The following NUAK1 variants were observed in gnomAD, a reference collection of about 807,000 sequenced individuals.
NUAK1 encodes NUAK family kinase 1.
Under a neutral mutation model 56.9 loss-of-function variants are expected in NUAK1, and 26 were observed. The ratio of observed to expected loss-of-function variants is 0.46; its 90% CI spans 0.33 to 0.63. The LOEUF is 0.63. Ranked by LOEUF, NUAK1 falls within the 30% of genes least tolerant of loss-of-function variation. The pLI is 0.02. For missense variants in NUAK1, 727 were observed against 876.1 expected (o/e 0.83, Z 2.15); for synonymous variants, 337 against 336.0 (o/e 1.00, Z -0.03).
intron 3 of NUAK1, among the ~76,000 whole-genome samples, chr12:106,084,586 T>A (rs1394897751): frequency 1.3e-5 from 2 of 152,196 alleles, no homozygotes; most frequent in Non-Finnish European, 2.9e-5. Context: ...GTGGCTGCCA[T>A]CCTGCCTGAC....
chr12:106,121,744 T>C (rs1338413128), intron 1 of NUAK1, among the ~76,000 whole-genome samples: 1 of 150,334 alleles, frequency 6.7e-6, no homozygotes, highest in Non-Finnish European at 1.5e-5. Context: ...AGCGAGACCC[T>C]GTCTCGGGAA....
chr12:106,120,558 G>A lies in NUAK1; in HGVS notation c.241-14033C>T, dbSNP rs546790023. Among the ~76,000 whole-genome samples the A allele has an allele frequency of 3.5e-4, 53 of 152,284 alleles. 2 individuals carry two copies. In the South Asian group the frequency reaches 0.011, roughly 31 times the overall value. On this transcript the variant is annotated intron_variant, in intron 1 of 6. Transcript: ENST00000261402. ...GGCTGGGAGAAAAGGAGCAGCTGTC[G>A]CCTCTTCTGAGAAGCCATCTCAGGT...
At chr12:106,132,343 G>C (rs531034902) in intron 1 of NUAK1, among the ~76,000 whole-genome samples, 1 of 152,316 alleles carries the variant, frequency 6.6e-6, no homozygotes, top group South Asian at 2.1e-4. Context: ...ATTCACTTCA[G>C]TTCCATCCTA....
At chr12:106,073,891 C>T (rs1014944789) in intron 4 of NUAK1, among the ~76,000 whole-genome samples, 2 of 152,000 alleles carry the variant, frequency 1.3e-5, no homozygotes, top group African/African-American at 4.8e-5. Context: ...AATGTTTCAT[C>T]TAGCCTTGTT....
intron 6 of NUAK1, 73 bp from the exon 7 acceptor site, chr12:106,068,028 G>A (rs541734745): frequency 1.4e-6 from 2 of 1,436,250 alleles, no homozygotes; most frequent in East Asian, 4.6e-5. Context: ...GGACCCTCCA[G>A]GAGTGACGAA....
chr12:106,080,872 C>T (rs1197935976), intron 4 of NUAK1, among the ~76,000 whole-genome samples: 3 of 152,224 alleles, frequency 2.0e-5, no homozygotes, highest in Non-Finnish European at 4.4e-5. Context: ...GGTCCAGACA[C>T]GGATGGCAGG....
intron 1 of NUAK1, among the ~76,000 whole-genome samples, chr12:106,130,857 T>G (rs1176801577): frequency 6.6e-6 from 1 of 152,232 alleles, no homozygotes; most frequent in Non-Finnish European, 1.5e-5. Context: ...GGCAAAAGGC[T>G]TAGCTATGTC....
At chr12:106,119,543 TGTAG>T (rs766377773) in intron 1 of NUAK1, among the ~76,000 whole-genome samples, 2 of 152,182 alleles carry the variant, frequency 1.3e-5, no homozygotes, top group Non-Finnish European at 2.9e-5. Context: ...ACAGAAAATC[TGTAG>T]GGAAGCTGGA....
chr12:106,124,769 G>C (rs1383048006), intron 1 of NUAK1, among the ~76,000 whole-genome samples: 2 of 152,094 alleles, frequency 1.3e-5, no homozygotes, highest in Non-Finnish European at 2.9e-5. Context: ...CAGCACTACA[G>C]GAGGCTGAGG....
At chr12:106,124,239 T>C (rs1019741411) in intron 1 of NUAK1, among the ~76,000 whole-genome samples, 4 of 152,196 alleles carry the variant, frequency 2.6e-5, no homozygotes. Context: ...TAATAAACCA[T>C]CCCAATCTCA....
At chr12:106,101,518 C>T (rs2136469569) in intron 2 of NUAK1, among the ~76,000 whole-genome samples, 1 of 152,290 alleles carries the variant, frequency 6.6e-6, no homozygotes, top group Non-Finnish European at 1.5e-5. Context: ...GACACAGACA[C>T]ATGTGGTGGG....
chr12:106,071,636 A>C (rs2136456543), intron 5 of NUAK1, among the ~76,000 whole-genome samples: 1 of 152,338 alleles, frequency 6.6e-6, no homozygotes, highest in African/African-American at 2.4e-5. Context: ...ATAAAAACTA[A>C]GGTGGCCAAA....
At chr12:106,114,294 C>T (rs2032894996) in intron 1 of NUAK1, among the ~76,000 whole-genome samples, 1 of 152,202 alleles carries the variant, frequency 6.6e-6, no homozygotes, top group Admixed American at 6.5e-5. Flanking sequence ...GCTAAGAAAT[C>T]CAGCATCTGC....
chr12:106,131,798 A>T (rs2033081562), intron 1 of NUAK1, among the ~76,000 whole-genome samples: 1 of 152,152 alleles, frequency 6.6e-6, no homozygotes, highest in Admixed American at 6.5e-5. Context: ...TTTACCGAAG[A>T]GTTTCGCTGT....
At chr12:106,134,950 T>G (rs556819709) in intron 1 of NUAK1, among the ~76,000 whole-genome samples, 22 of 152,334 alleles carry the variant, frequency 1.4e-4, no homozygotes, top group Non-Finnish European at 2.5e-4. Flanking sequence ...TCTCTCTGCA[T>G]GATACAATGC....
At chr12:106,109,426 C>A (rs938970779) in intron 1 of NUAK1, among the ~76,000 whole-genome samples, 1 of 152,088 alleles carries the variant, frequency 6.6e-6, no homozygotes, top group African/African-American at 2.4e-5. Flanking sequence ...CTCCCTCTCT[C>A]TATACCCTTC....
Position 106,133,958 on chromosome 12 carries a change from G to A in NUAK1, c.240+4456C>T, listed in dbSNP as rs371748057. 2.6e-5 allele frequency among the ~76,000 whole-genome samples: 4 copies of A among 152,250 alleles called. No homozygotes were observed. The South Asian group carries it at 8.3e-4, about 32-fold the overall frequency. Reference sequence around the variant, plus strand: ...GATGGCAATAAATCTTCATCGAACTGAACAGAATTAGTTTGCAAGTACATT... The same window carrying A: ...GATGGCAATAAATCTTCATCGAACTAAACAGAATTAGTTTGCAAGTACATT... On this transcript the variant is annotated intron_variant, in intron 1 of 6. Transcript: ENST00000261402.
At chr12:106,083,022 C>T (rs1462274329) in intron 4 of NUAK1, among the ~76,000 whole-genome samples, 1 of 152,140 alleles carries the variant, frequency 6.6e-6, no homozygotes, top group Non-Finnish European at 1.5e-5. Flanking sequence ...ATTTTGTAGA[C>T]GTGGTCAAAA....
At chr12:106,117,810 CA>C (rs1263775261) in intron 1 of NUAK1, among the ~76,000 whole-genome samples, 1 of 152,132 alleles carries the variant, frequency 6.6e-6, no homozygotes, top group Admixed American at 6.5e-5. Flanking sequence ...TATAGCCTAA[CA>C]AAAGGGAAGG....
Sources: allele counts gnomAD v4.1 joint callset (sites outside exome capture counted in the v4.1 genomes callset), GRCh38; gene constraint gnomAD v4.1.1; transcripts MANE v1.5; gene names NCBI Gene and HGNC (gene_info 2026-07-23, HGNC 2026-07-21).